The following ZFAND2A variants were observed in gnomAD, a reference collection of about 807,000 sequenced individuals.
ZFAND2A encodes the protein zinc finger AN1-type containing 2A.
In ZFAND2A, 20 loss-of-function variants were observed where a neutral mutation model predicts 11.6. That is an observed-to-expected ratio of 1.72 (90% CI 1.21 to 2.50). The LOEUF (loss-of-function observed/expected upper bound fraction) is 2.50, where lower values mean the gene tolerates loss of function less well. Among genes scored for constraint, ZFAND2A ranks in the 30% most tolerant of loss-of-function variants. The probability of loss-of-function intolerance (pLI) is 0.00; values close to 1 mark genes in which losing one functional copy is unlikely to be tolerated. For synonymous variants in ZFAND2A, 93 were observed against 60.6 expected (o/e 1.54, Z -2.48); for missense variants, 234 against 182.9 (o/e 1.28, Z -1.61).
At chr7:1,158,021 A>G in intron 2 of ZFAND2A, 137 bp downstream of exon 2, 1 of 935,484 alleles carries the variant, frequency 1.1e-6, no homozygotes, top group African/African-American at 1.6e-5. Flanking sequence ...CTAAGTGTCA[A>G]ACAGAACCTG....
At chr7:1,151,762 T>TAAAAGAAAAAAAAAAACAA (rs1554344525), downstream of ZFAND2A, among the ~76,000 whole-genome samples, 1 of 87,158 alleles carries the variant, frequency 1.1e-5, no homozygotes, top group Admixed American at 1.2e-4. Context: ...TCATCCCTTT[T>TAAAAGAAAAAAAAAAACAA]AAAAAAAAAA....
At chr7:1,158,853 T>TC (rs1263681860) in intron 1 of ZFAND2A, among the ~76,000 whole-genome samples, 2 of 151,770 alleles carry the variant, frequency 1.3e-5, no homozygotes, top group Non-Finnish European at 2.9e-5. Flanking sequence ...GCTCACGAGG[T>TC]CCCCTCCATG....
At chr7:1,152,749 C>A (rs944463300), downstream of ZFAND2A, among the ~76,000 whole-genome samples, 5 of 152,092 alleles carry the variant, frequency 3.3e-5, no homozygotes, top group Admixed American at 1.3e-4. Flanking sequence ...GAGACGCAGC[C>A]GATGCTCCCC....
At position 1,160,150 on chromosome 7, in the gene ZFAND2A, A is replaced by AACGC. The variant is rs1793656382; in HGVS notation, c.-233_-232insGCGT. Reference sequence around the variant, plus strand: ...CGCAACATCTCGCTGCCCGCGGCCTACGGGGATTTATCCGCAGCCCCCGGA... The same window carrying AACGC: ...CGCAACATCTCGCTGCCCGCGGCCTAACGCCGGGGATTTATCCGCAGCCCCCGGA... On this transcript the variant is annotated 5_prime_UTR_variant, in exon 1 of 5. Coordinates refer to ENST00000316495, the MANE Select transcript of ZFAND2A (RefSeq NM_182491.4). 1 of 152,252 alleles carries AACGC rather than the reference A, an allele frequency of 6.6e-6. No homozygotes were observed. The highest frequency in any genetic ancestry group is 1.5e-5 in the Non-Finnish European group (1 of 68,098). 9.4% of individuals were successfully genotyped at this position (152,252 alleles called of 1,614,324 possible).
At chr7:1,158,010 G>A (rs1793572633) in intron 2 of ZFAND2A, 148 bp downstream of exon 2, 2 of 848,972 alleles carry the variant, frequency 2.4e-6, no homozygotes, top group East Asian at 4.9e-5. Context: ...TCTGGTGGAT[G>A]CTAAGTGTCA....
At chr7:1,158,829 G>T (rs1399702675) in intron 1 of ZFAND2A, among the ~76,000 whole-genome samples, 1 of 152,124 alleles carries the variant, frequency 6.6e-6, no homozygotes, top group South Asian at 2.1e-4. Flanking sequence ...CCGCACTCGA[G>T]AGAGAATCAA....
Position 1,153,231 on chromosome 7 carries a change from G to C in ZFAND2A, c.283-7C>G, listed in dbSNP as rs1373330083. On this transcript the variant is annotated splice_region_variant and splice_polypyrimidine_tract_variant and intron_variant, in intron 4 of 4. Transcript: ENST00000316495. ...AGCAACGGTATGTAAAAATCTAAGA[G>C]AGCAAAGTGACTTCAACAAGCAATT... The C allele has an allele frequency of 7.5e-6, 12 of 1,607,714 alleles. No individual in the cohort carries two copies. Among genetic ancestry groups the C allele is most frequent in the Admixed American group, 1.7e-5 (1 of 59,858 alleles).
downstream of ZFAND2A, among the ~76,000 whole-genome samples, chr7:1,149,725 G>A (rs1793363304): frequency 6.6e-6 from 1 of 152,248 alleles, no homozygotes; most frequent in Non-Finnish European, 1.5e-5. Flanking sequence ...TGCGCTGAAT[G>A]CTGTAGGCCA....
At chr7:1,152,277 G>A (rs1252141120), downstream of ZFAND2A, 4 of 1,582,674 alleles carry the variant, frequency 2.5e-6, no homozygotes, top group Non-Finnish European at 3.4e-6. Context: ...CGCTGGGCCA[G>A]CCCGCCAGGA....
downstream of ZFAND2A, among the ~76,000 whole-genome samples, chr7:1,151,909 C>T (rs144333827): frequency 1.2e-3 from 188 of 152,060 alleles, 1 homozygote; most frequent in African/African-American, 4.2e-3. Flanking sequence ...GCAGTGCAAA[C>T]GGGAAGGACC....
intron 4 of ZFAND2A, among the ~76,000 whole-genome samples, chr7:1,154,205 G>A (rs943153632): frequency 2.2e-5 from 3 of 137,268 alleles, no homozygotes; most frequent in African/African-American, 8.1e-5. Flanking sequence ...TTTTTTTTTG[G>A]TGCCAGGATG....
At chr7:1,151,762 T>TTAAAAAAAAAAAAA (rs1554344524), downstream of ZFAND2A, among the ~76,000 whole-genome samples, 351 of 87,112 alleles carry the variant, frequency 4.0e-3, 16 homozygotes, top group African/African-American at 0.018. Context: ...TCATCCCTTT[T>TTAAAAAAAAAAAAA]AAAAAAAAAA....
downstream of ZFAND2A, among the ~76,000 whole-genome samples, chr7:1,149,728 G>A (rs940019868): frequency 1.3e-5 from 2 of 152,236 alleles, no homozygotes; most frequent in Admixed American, 6.5e-5. Context: ...GCTGAATGCT[G>A]TAGGCCACTG....
chr7:1,151,203 T>C (rs1563158377), downstream of ZFAND2A, among the ~76,000 whole-genome samples: 2 of 151,884 alleles, frequency 1.3e-5, no homozygotes, highest in Admixed American at 1.3e-4. Flanking sequence ...GTGCCTGTTT[T>C]AAGAAGTTGA....
intron 2 of ZFAND2A, 83 bp from the exon 3 acceptor site, chr7:1,157,833 T>G: frequency 8.9e-7 from 1 of 1,120,090 alleles, no homozygotes; most frequent in Non-Finnish European, 1.3e-6. Flanking sequence ...TTACCTACAC[T>G]AAGTGTTTTA....
At chr7:1,154,392 C>T (rs1444349883) in intron 4 of ZFAND2A, among the ~76,000 whole-genome samples, 1 of 152,130 alleles carries the variant, frequency 6.6e-6, no homozygotes, top group Non-Finnish European at 1.5e-5. Flanking sequence ...ACAGGGCGTG[C>T]CCACCAAAAG....
chr7:1,148,914 C>T (rs1392896508), downstream of ZFAND2A, among the ~76,000 whole-genome samples: 1 of 149,910 alleles, frequency 6.7e-6, no homozygotes, highest in Non-Finnish European at 1.5e-5. Context: ...CTCACTGCAG[C>T]CTTGACGTCT....
chr7:1,155,473 G>T lies in ZFAND2A; in HGVS notation c.262C>A (p.Pro88Thr). The T allele has an allele frequency of 6.2e-7, 1 of 1,613,682 alleles. No homozygotes were observed. Among genetic ancestry groups the T allele is most frequent in the South Asian group, 1.1e-5 (1 of 91,048 alleles). ...CTTACCTTCTCTTTCTTCTTCCCAG[G>T]GTGAGAGTCACAGTCTCTGTCAATG... Reference protein sequence around the residue: ...DHIDRDCDSHPGKKKEKIFTY... With the variant: ...DHIDRDCDSHTGKKKEKIFTY... The change falls in exon 4 of 5, where the codon CCT (proline) becomes ACT (threonine). Residue 88 changes from proline to threonine, a missense_variant. By Grantham distance (38) the Pro-to-Thr change is conservative (BLOSUM62 -1). Coordinates refer to ENST00000316495, the MANE Select transcript of ZFAND2A (RefSeq NM_182491.4).
downstream of ZFAND2A, chr7:1,152,234 G>A (rs1018922624): frequency 3.0e-5 from 47 of 1,560,104 alleles, no homozygotes; most frequent in Middle Eastern, 1.7e-4. Flanking sequence ...ACGAAATTGC[G>A]TTCACATGAG....
Sources: gnomAD v4.1 joint callset for allele counts (sites outside exome capture counted in the v4.1 genomes callset) on GRCh38, gnomAD v4.1.1 for gene constraint, MANE v1.5 for transcripts, NCBI Gene and HGNC (gene_info 2026-07-23, HGNC 2026-07-21) for gene names.